Variants in FARS2 observed in about 807,000 individuals in gnomAD.
The protein encoded by FARS2 is phenylalanyl-tRNA synthetase 2, mitochondrial.
Under a neutral mutation model 46.4 loss-of-function variants are expected in FARS2, and 40 were observed. The observed-to-expected ratio is 0.86, with a 90% confidence interval of 0.67 to 1.12. The LOEUF (loss-of-function observed/expected upper bound fraction) is 1.12, where lower values mean the gene tolerates loss of function less well. Among genes scored for constraint, FARS2 ranks in the 50% most tolerant of loss-of-function variants. The pLI, the probability that FARS2 is intolerant of heterozygous loss-of-function variation, is 0.00. For missense variants in FARS2, 513 were observed against 567.9 expected (o/e 0.90, Z 0.98); for synonymous variants, 234 against 214.9 (o/e 1.09, Z -0.78).
At chr6:5,561,200 A>G (rs1436779044) in intron 5 of FARS2, among the ~76,000 whole-genome samples, 1 of 152,216 alleles carries the variant, frequency 6.6e-6, no homozygotes, top group Non-Finnish European at 1.5e-5. Context: ...TAATATATTG[A>G]TTTAAAGAAA....
At chr6:5,734,670 C>A (rs1760841593) in intron 6 of FARS2, among the ~76,000 whole-genome samples, 1 of 152,112 alleles carries the variant, frequency 6.6e-6, no homozygotes, top group Admixed American at 6.5e-5. Context: ...TTCTTAATAA[C>A]CCTTTGATAT....
chr6:5,289,406 A>C (rs906725227), intron 1 of FARS2, among the ~76,000 whole-genome samples: 1 of 152,222 alleles, frequency 6.6e-6, no homozygotes, highest in South Asian at 2.1e-4. Flanking sequence ...TTGAAAGTAC[A>C]TGCCACAGAA....
chr6:5,560,747 T>C (rs888484670), intron 5 of FARS2, among the ~76,000 whole-genome samples: 2 of 152,190 alleles, frequency 1.3e-5, no homozygotes, highest in Non-Finnish European at 1.5e-5. Context: ...AAATAGTTAT[T>C]AGGCTATTCA....
intron 1 of FARS2, among the ~76,000 whole-genome samples, chr6:5,341,209 ATATATATATATATATATATATATATATT>A (rs1771561700): frequency 2.7e-4 from 1 of 3,702 alleles, no homozygotes; most frequent in African/African-American, 8.7e-4. Flanking sequence ...ATATATATAT[ATATATATATATATATATATATATATATT>A]TTTTTTTTTT....
intron 6 of FARS2, among the ~76,000 whole-genome samples, chr6:5,715,380 C>T (rs1759433872): frequency 6.6e-6 from 1 of 152,144 alleles, no homozygotes; most frequent in South Asian, 2.1e-4. Context: ...GTTGTGCGTT[C>T]GTCGCCACAG....
At chr6:5,274,239 G>A (rs1327138941) in intron 1 of FARS2, among the ~76,000 whole-genome samples, 4 of 152,092 alleles carry the variant, frequency 2.6e-5, no homozygotes, top group African/African-American at 7.2e-5. Flanking sequence ...ACTTCTTCCC[G>A]GCCATTAGAA....
intron 6 of FARS2, among the ~76,000 whole-genome samples, chr6:5,762,795 T>C (rs1400684158): frequency 6.6e-6 from 1 of 152,132 alleles, no homozygotes; most frequent in Admixed American, 6.5e-5. Flanking sequence ...ACTGGTTTCT[T>C]GTGACTGACT....
chr6:5,256,997 A>G (rs569243468), upstream of FARS2, among the ~76,000 whole-genome samples: 7 of 152,224 alleles, frequency 4.6e-5, no homozygotes, highest in Admixed American at 2.0e-4. Context: ...ATTCTTCTCT[A>G]TCTTCCACTA....
intron 1 of FARS2, among the ~76,000 whole-genome samples, chr6:5,303,229 A>G (rs1768449598): frequency 6.6e-6 from 1 of 152,042 alleles, no homozygotes; most frequent in African/African-American, 2.4e-5. Context: ...GTGAAGGTAT[A>G]GAGGAGAGAA....
intron 1 of FARS2, among the ~76,000 whole-genome samples, chr6:5,344,249 C>T (rs192102837): frequency 1.3e-5 from 2 of 152,306 alleles, no homozygotes; most frequent in East Asian, 3.9e-4. Flanking sequence ...TATCTGCTTG[C>T]TAATACCATT....
intron 6 of FARS2, among the ~76,000 whole-genome samples, chr6:5,636,300 C>T (rs1022990467): frequency 2.6e-5 from 4 of 152,222 alleles, no homozygotes; most frequent in Non-Finnish European, 5.9e-5. Flanking sequence ...TGAGCTTCTG[C>T]AGCGAAGGCC....
At chr6:5,580,887 AG>A (rs1203714579) in intron 5 of FARS2, among the ~76,000 whole-genome samples, 2 of 152,226 alleles carry the variant, frequency 1.3e-5, no homozygotes, top group Admixed American at 1.3e-4. Context: ...AATTAGTGGA[AG>A]ACATAGGTTG....
At chr6:5,531,133 A>G (rs1241944004) in intron 4 of FARS2, among the ~76,000 whole-genome samples, 3 of 152,088 alleles carry the variant, frequency 2.0e-5, no homozygotes, top group Non-Finnish European at 4.4e-5. Flanking sequence ...ACTCTTGCCT[A>G]TGAGCATCCT....
intron 6 of FARS2, among the ~76,000 whole-genome samples, chr6:5,752,545 C>T (rs891982787): frequency 6.6e-6 from 1 of 152,184 alleles, no homozygotes; most frequent in African/African-American, 2.4e-5. Context: ...GGTCTCCCAG[C>T]CCCTGATTCA....
intron 6 of FARS2, among the ~76,000 whole-genome samples, chr6:5,661,353 TG>T (rs1266923940): frequency 6.6e-6 from 1 of 152,248 alleles, no homozygotes; most frequent in African/African-American, 2.4e-5. Flanking sequence ...ACACAGAGAC[TG>T]GCATATAAAT....
chr6:5,616,819 C>T (rs539605961), intron 6 of FARS2, among the ~76,000 whole-genome samples: 52 of 152,232 alleles, frequency 3.4e-4, no homozygotes, highest in Non-Finnish European at 6.3e-4. Flanking sequence ...ATGGCCGTAG[C>T]TTCACCCTTG....
At chr6:5,325,001 C>CCT (rs773992526) in intron 1 of FARS2, among the ~76,000 whole-genome samples, 10 of 152,154 alleles carry the variant, frequency 6.6e-5, no homozygotes, top group Non-Finnish European at 1.5e-5. Flanking sequence ...CTTCTATGTA[C>CCT]CTCATGGTGG....
intron 4 of FARS2, among the ~76,000 whole-genome samples, chr6:5,500,933 C>CGAGAGAGAGA (rs58128430): frequency 4.2e-5 from 6 of 143,658 alleles, no homozygotes; most frequent in East Asian, 4.2e-4. Flanking sequence ...TTCAAATCCC[C>CGAGAGAGAGA]GAGAGAGAGA....
intron 5 of FARS2, among the ~76,000 whole-genome samples, chr6:5,569,238 A>ATT (rs35999608): frequency 2.1e-5 from 3 of 142,562 alleles, no homozygotes; most frequent in African/African-American, 7.8e-5. Flanking sequence ...CAGGAGTATA[A>ATT]TTTTTTTTTT....
Sources: gnomAD v4.1 joint callset for allele counts (sites outside exome capture counted in the v4.1 genomes callset) on GRCh38, gnomAD v4.1.1 for gene constraint, MANE v1.5 for transcripts, NCBI Gene and HGNC (gene_info 2026-07-23, HGNC 2026-07-21) for gene names.